SFXN5: variants seen among roughly 807,000 people sequenced by gnomAD.
The protein encoded by SFXN5 is sideroflexin 5.
SFXN5 carries 43 observed loss-of-function variants against 50.2 expected under a neutral mutation model. The observed-to-expected ratio is 0.86, with a 90% confidence interval of 0.67 to 1.11. SFXN5 has a LOEUF of 1.11. SFXN5 is among the 50% of genes least tolerant of loss of function. The pLI, the probability that SFXN5 is intolerant of heterozygous loss-of-function variation, is 0.00. For synonymous variants in SFXN5, 203 were observed against 185.8 expected (o/e 1.09, Z -0.75); for missense variants, 463 against 454.1 (o/e 1.02, Z -0.18).
At chr2:72,984,961 C>T (rs184066145) in intron 10 of SFXN5, among the ~76,000 whole-genome samples, 13 of 152,236 alleles carry the variant, frequency 8.5e-5, no homozygotes, top group Non-Finnish European at 1.6e-4. Flanking sequence ...TTGGGGATTC[C>T]TTGTTCCCCA....
Position 73,040,896 on chromosome 2 carries a change from G to A in SFXN5, c.207C>T (p.Asp69=). 1 of 1,613,134 alleles carries A rather than the reference G, an allele frequency of 6.2e-7. No individual in the cohort carries two copies. The highest frequency in any genetic ancestry group is 8.5e-7 in the Non-Finnish European group (1 of 1,179,738). ...CCGGGCGCAGGGTCCCATGCTTATAGTCCTCCAGCAGCTGCACAGCCTCTC... is the reference window on the plus strand; with the variant it reads ...CCGGGCGCAGGGTCCCATGCTTATAATCCTCCAGCAGCTGCACAGCCTCTC... ...RLREAVQLLE[D]YKHGTLRPGV... is the part of the protein sequence containing the mutation. The change falls in exon 3 of 14, where the codon GAC becomes GAT. Residue 69 remains aspartate (D), a synonymous_variant. Coordinates refer to ENST00000272433, the MANE Select transcript of SFXN5 (RefSeq NM_144579.3).
intron 12 of SFXN5, among the ~76,000 whole-genome samples, chr2:72,967,796 C>A (rs905714233): frequency 7.9e-5 from 12 of 152,290 alleles, no homozygotes; most frequent in African/African-American, 2.6e-4. Flanking sequence ...GCCCTCTCTG[C>A]GCAGCCTTTC....
At chr2:72,952,845 A>T (rs1362499048) in intron 13 of SFXN5, among the ~76,000 whole-genome samples, 1 of 152,024 alleles carries the variant, frequency 6.6e-6, no homozygotes, top group Non-Finnish European at 1.5e-5. Context: ...GGGTCCCCAC[A>T]CTCAGCCCCA....
At chr2:73,027,584 T>G (rs1677728590) in intron 3 of SFXN5, among the ~76,000 whole-genome samples, 2 of 152,186 alleles carry the variant, frequency 1.3e-5, no homozygotes, top group South Asian at 4.1e-4. Context: ...GACCACTCAC[T>G]CACTCACTCA....
chr2:72,974,818 A>T (rs1175210022), intron 10 of SFXN5, among the ~76,000 whole-genome samples: 1 of 151,378 alleles, frequency 6.6e-6, no homozygotes, highest in Non-Finnish European at 1.5e-5. Context: ...TGTGACAGGG[A>T]CACTGAGAGC....
rs150473517 is a variant in SFXN5, at chr2:72,947,625, T to C, written c.946-2526A>G. ...CTCTGTCATGTCTGGGCTGTGCACA[T>C]TGGAGTCCCCATAAGAGGGAGTGTA... On this transcript the variant is annotated intron_variant, in intron 13 of 13. Coordinates refer to ENST00000272433, the MANE Select transcript of SFXN5 (RefSeq NM_144579.3). Among the ~76,000 whole-genome samples the C allele has an allele frequency of 2.4e-3, 363 of 152,274 alleles. 3 individuals carry two copies. Among genetic ancestry groups the C allele is most frequent in the Middle Eastern group, 0.01 (3 of 294 alleles).
chr2:73,058,463 C>T (rs1314261006), intron 2 of SFXN5, 65 bp downstream of exon 2: 6 of 1,484,324 alleles, frequency 4.0e-6, no homozygotes, highest in Non-Finnish European at 5.6e-6. Context: ...CCTTAATGAC[C>T]CACATATTCT....
At chr2:73,053,439 C>T (rs1315513060) in intron 2 of SFXN5, 1 of 154,158 alleles carries the variant, frequency 6.5e-6, no homozygotes, top group Non-Finnish European at 1.5e-5. Flanking sequence ...TTCCTTCCCT[C>T]TCCTTTCTCC....
At chr2:73,010,650 A>G (rs1464268775) in intron 6 of SFXN5, among the ~76,000 whole-genome samples, 7 of 152,268 alleles carry the variant, frequency 4.6e-5, no homozygotes, top group Non-Finnish European at 1.0e-4. Context: ...AGAAAACCAC[A>G]ATAAATCCCA....
chr2:73,044,811 A>G lies in SFXN5; in HGVS notation c.172-3880T>C, dbSNP rs986922266. Among the ~76,000 whole-genome samples the G allele has an allele frequency of 2.0e-5, 3 of 152,198 alleles. No individual in the cohort carries two copies. In the East Asian group the frequency reaches 5.8e-4, roughly 29 times the overall value. On this transcript the variant is annotated intron_variant, in intron 2 of 13. Coordinates refer to ENST00000272433, the MANE Select transcript of SFXN5 (RefSeq NM_144579.3). Reference sequence around the variant, plus strand: ...GTCCCTCCATGTATTTGAGAGGGGTATGGTCTCCAGAAGATCCCTCTGGAG... The same window carrying G: ...GTCCCTCCATGTATTTGAGAGGGGTGTGGTCTCCAGAAGATCCCTCTGGAG...
rs550888277 is a variant in SFXN5, at chr2:73,071,473, C to CCCCCTGGCGCTAGCTGCAGGCT, written c.102+109_102+130dup. ...AAAGGGTGACTGTGACCGAGGTTCC[C>CCCCCTGGCGCTAGCTGCAGGCT]CCCCTGGCGCTAGCTGCAGGCTCCG... On this transcript the variant is annotated intron_variant, in intron 1 of 13. Transcript: ENST00000272433. The CCCCCTGGCGCTAGCTGCAGGCT allele has an allele frequency of 1.3e-3, 986 of 768,390 alleles. 7 individuals carry two copies. In the African/African-American group the frequency reaches 0.014, roughly 11 times the overall value. The allele number at this position is 768,390 out of a possible 1,614,324, so 47.6% of individuals were successfully genotyped here. A position where few individuals can be genotyped will look rare whatever the true frequency, so the allele number is the denominator to read the frequency against.
chr2:73,063,376 C>T (rs922736121), intron 1 of SFXN5, among the ~76,000 whole-genome samples: 10 of 152,024 alleles, frequency 6.6e-5, no homozygotes, highest in Non-Finnish European at 1.2e-4. Flanking sequence ...TTATGGGGTG[C>T]CTTGCCAAAC....
chr2:72,979,360 G>A (rs1423505511), intron 10 of SFXN5, among the ~76,000 whole-genome samples: 1 of 151,904 alleles, frequency 6.6e-6, no homozygotes, highest in Non-Finnish European at 1.5e-5. Context: ...CAGGCCGAGT[G>A]CAGTGGCTCA....
At chr2:73,055,280 A>C (rs1681936416) in intron 2 of SFXN5, among the ~76,000 whole-genome samples, 1 of 152,222 alleles carries the variant, frequency 6.6e-6, no homozygotes, top group Admixed American at 6.5e-5. Context: ...AGGAATGCAA[A>C]TGGGGTGAGA....
At chr2:72,969,394 TTTTG>T (rs1394982004) in intron 11 of SFXN5, among the ~76,000 whole-genome samples, 15 of 152,070 alleles carry the variant, frequency 9.9e-5, no homozygotes, top group Admixed American at 2.6e-4. Flanking sequence ...TTGGTGTTTT[TTTTG>T]TTTGTTTGTT....
At position 73,058,872 on chromosome 2, in the gene SFXN5, C is replaced by A. The variant is rs2106034688; in HGVS notation, c.103-276G>T. ...ATTTTCCCCTCTCTCTCCCAGTGCC[C>A]TGAGATCTATTCTGAGCCTATTAAA... On this transcript the variant is annotated intron_variant, in intron 1 of 13. Coordinates refer to ENST00000272433, the MANE Select transcript of SFXN5 (RefSeq NM_144579.3). The A allele has an allele frequency of 8.6e-6, 4 of 465,466 alleles. No individual in the cohort carries two copies. In the South Asian group the frequency reaches 9.3e-5, roughly 11 times the overall value. 28.8% of individuals were successfully genotyped at this position (465,466 alleles called of 1,614,324 possible).
Position 73,048,792 on chromosome 2 carries a change from C to G in SFXN5, c.172-7861G>C, listed in dbSNP as rs139676794. ...TGTATATAAATCTCACTGTACTTCT[C>G]TTAATTCCTTTGGATAAATTTCTGG... On this transcript the variant is annotated intron_variant, in intron 2 of 13. Coordinates refer to ENST00000272433, the MANE Select transcript of SFXN5 (RefSeq NM_144579.3). Among the ~76,000 whole-genome samples the G allele has an allele frequency of 4.4e-3, 667 of 152,312 alleles. 7 individuals are homozygous for G. The highest frequency in any genetic ancestry group is 0.014 in the African/African-American group (601 of 41,564).
At chr2:73,003,079 G>A (rs1263307051) in intron 6 of SFXN5, among the ~76,000 whole-genome samples, 2 of 151,316 alleles carry the variant, frequency 1.3e-5, no homozygotes, top group Non-Finnish European at 2.9e-5. Flanking sequence ...GGACCTCCTC[G>A]TAGTTGGGGC....
At chr2:72,978,277 TTTTC>T (rs1396473194) in intron 10 of SFXN5, among the ~76,000 whole-genome samples, 37 of 151,578 alleles carry the variant, frequency 2.4e-4, no homozygotes, top group South Asian at 8.3e-4. Flanking sequence ...GCATTTTTCT[TTTTC>T]TTTCTTTTTT....
Sources: gnomAD v4.1 joint callset for allele counts (sites outside exome capture counted in the v4.1 genomes callset) on GRCh38, gnomAD v4.1.1 for gene constraint, MANE v1.5 for transcripts, NCBI Gene and HGNC (gene_info 2026-07-23, HGNC 2026-07-21) for gene names.